The following CHRM3 variants were observed in gnomAD, a reference collection of about 807,000 sequenced individuals.
CHRM3 encodes the protein muscarinic acetylcholine receptor M3.
In CHRM3, 11 loss-of-function variants were observed where a neutral mutation model predicts 41.8. The observed-to-expected ratio is 0.26, with a 90% CI of 0.17 to 0.44. The LOEUF (loss-of-function observed/expected upper bound fraction) is 0.44, where lower values mean the gene tolerates loss of function less well. Among genes scored for constraint, CHRM3 ranks in the 20% least tolerant of loss-of-function variants. CHRM3 has a pLI of 1.00. For missense variants in CHRM3, 571 were observed against 745.4 expected, an observed-to-expected ratio of 0.77 and a Z score of 2.72; for synonymous variants, 297 against 301.4, an observed-to-expected ratio of 0.99 and a Z score of 0.15.
intron 3 of CHRM3, among the ~76,000 whole-genome samples, chr1:239,615,487 T>C (rs1402494016): frequency 3.3e-5 from 5 of 152,182 alleles, no homozygotes; most frequent in Non-Finnish European, 5.9e-5. Flanking sequence ...GCTTCTGTTT[T>C]AGGAAGACCA....
intron 5 of CHRM3, among the ~76,000 whole-genome samples, chr1:239,712,635 C>A (rs990957327): frequency 6.6e-6 from 1 of 152,186 alleles, no homozygotes; most frequent in African/African-American, 2.4e-5. Context: ...CGAATACTTG[C>A]ATTGCAATCT....
At chr1:239,576,754 C>T (rs558174249) in intron 3 of CHRM3, among the ~76,000 whole-genome samples, 10 of 150,992 alleles carry the variant, frequency 6.6e-5, no homozygotes, top group South Asian at 6.3e-4. Flanking sequence ...TGTGCCACTG[C>T]GCTGCAGGCT....
chr1:239,620,250 T>C (rs1668208973), intron 3 of CHRM3, among the ~76,000 whole-genome samples: 1 of 152,226 alleles, frequency 6.6e-6, no homozygotes. Context: ...ATAGTTACTG[T>C]TGTTTTCTCA....
intron 6 of CHRM3, among the ~76,000 whole-genome samples, chr1:239,873,270 A>G (rs561342588): frequency 6.6e-6 from 1 of 152,174 alleles, no homozygotes; most frequent in South Asian, 2.1e-4. Context: ...CCTCAGCTAC[A>G]AAGTGGGAAT....
At chr1:239,686,538 C>T (rs997554380) in intron 5 of CHRM3, among the ~76,000 whole-genome samples, 2 of 152,142 alleles carry the variant, frequency 1.3e-5, no homozygotes, top group African/African-American at 4.8e-5. Flanking sequence ...TGTCTTTCCC[C>T]AGAGCCCTTC....
intron 5 of CHRM3, among the ~76,000 whole-genome samples, chr1:239,823,849 G>A (rs1402591996): frequency 6.6e-6 from 1 of 152,026 alleles, no homozygotes; most frequent in Non-Finnish European, 1.5e-5. Context: ...AAACTGGCAA[G>A]CAGATAGAAT....
At chr1:239,476,652 T>TA (rs1250039582) in intron 1 of CHRM3, among the ~76,000 whole-genome samples, 2 of 152,124 alleles carry the variant, frequency 1.3e-5, no homozygotes, top group Non-Finnish European at 2.9e-5. Flanking sequence ...TAATTGTGAA[T>TA]AAAAATTGCT....
chr1:239,615,266 CTATTT>C (rs1487526514), intron 3 of CHRM3, among the ~76,000 whole-genome samples: 1 of 152,170 alleles, frequency 6.6e-6, no homozygotes, highest in East Asian at 1.9e-4. Flanking sequence ...GTGAGCATCT[CTATTT>C]TATAAGAACT....
chr1:239,608,129 A>T (rs946025864), intron 3 of CHRM3, among the ~76,000 whole-genome samples: 8 of 152,210 alleles, frequency 5.3e-5, no homozygotes, highest in African/African-American at 1.7e-4. Context: ...TAAATGTAAA[A>T]AATTGCACTA....
intron 3 of CHRM3, among the ~76,000 whole-genome samples, chr1:239,607,590 C>T (rs1666491336): frequency 6.6e-6 from 1 of 152,102 alleles, no homozygotes; most frequent in Middle Eastern, 3.4e-3. Context: ...CCTTTTCTTT[C>T]TCATGGGAGT....
At chr1:239,432,537 A>G (rs1052804101) in intron 1 of CHRM3, among the ~76,000 whole-genome samples, 12 of 152,128 alleles carry the variant, frequency 7.9e-5, no homozygotes, top group African/African-American at 2.9e-4. Context: ...TGCTTTTGCT[A>G]ATTTGGGCTT....
chr1:239,670,781 C>T (rs61834815), intron 4 of CHRM3, among the ~76,000 whole-genome samples: 2 of 150,480 alleles, frequency 1.3e-5, no homozygotes, highest in Non-Finnish European at 3.0e-5. Context: ...ACCCCCCCCA[C>T]CTCAGTTTCC....
rs371187025 is a variant in CHRM3 at position 239,794,798 on chromosome 1, T to C, written c.-146-32454T>C. The stretch of plus-strand genomic sequence containing the variant: ...TTTATTTTACATTGATATATCTCCA[T>C]CCAACCATTTCTCTGTTCTGTTACT... On this transcript the variant is annotated intron_variant, in intron 5 of 6. Coordinates refer to ENST00000676153, the MANE Select transcript of CHRM3 (RefSeq NM_001375978.1). Among the ~76,000 whole-genome samples, 29 of 152,314 alleles carry C rather than the reference T, an allele frequency of 1.9e-4. No individual in the cohort carries two copies. The South Asian group carries it at 5.2e-3, about 27-fold the overall frequency.
In CHRM3 at chr1:239,694,296, A is replaced by G. The variant is rs116600715; in HGVS notation, c.-147+16008A>G. ...CACAGTATCTTGAGGCATGAAGTCA[A>G]CAATGAATGCAAGATCCTTCTCTGC... On this transcript the variant is annotated intron_variant, in intron 5 of 6. Coordinates refer to ENST00000676153, the MANE Select transcript of CHRM3 (RefSeq NM_001375978.1). 2.2e-3 allele frequency among the ~76,000 whole-genome samples: 333 copies of G among 152,354 alleles called. 3 individuals are homozygous for G. The highest frequency in any genetic ancestry group is 7.4e-3 in the African/African-American group (308 of 41,582).
At chr1:239,874,088 C>T (rs1367634530) in intron 6 of CHRM3, among the ~76,000 whole-genome samples, 1 of 151,652 alleles carries the variant, frequency 6.6e-6, no homozygotes, top group Non-Finnish European at 1.5e-5. Flanking sequence ...GAAACTGAGG[C>T]TCAGGAGGAC....
intron 6 of CHRM3, among the ~76,000 whole-genome samples, chr1:239,843,044 G>T (rs1470249525): frequency 1.3e-5 from 2 of 152,042 alleles, no homozygotes; most frequent in East Asian, 3.9e-4. Flanking sequence ...ACTTAATAAG[G>T]ACAAAGCCCC....
chr1:239,411,001 C>A (rs938958883), intron 1 of CHRM3, among the ~76,000 whole-genome samples: 1 of 152,132 alleles, frequency 6.6e-6, no homozygotes, highest in Admixed American at 6.6e-5. Flanking sequence ...ATGGTTGAGA[C>A]AAAGCACTGC....
chr1:239,890,643 A>G (rs1678475124), intron 6 of CHRM3, among the ~76,000 whole-genome samples: 1 of 152,206 alleles, frequency 6.6e-6, no homozygotes, highest in Non-Finnish European at 1.5e-5. Context: ...ACTTTGGGTC[A>G]TATTGTGCAT....
intron 1 of CHRM3, among the ~76,000 whole-genome samples, chr1:239,392,587 G>A (rs1659131292): frequency 6.6e-6 from 1 of 152,174 alleles, no homozygotes; most frequent in Non-Finnish European, 1.5e-5. Context: ...TTAAACCAAG[G>A]TGAAATACTT....
Sources: gnomAD v4.1 joint callset for allele counts (sites outside exome capture counted in the v4.1 genomes callset) on GRCh38, gnomAD v4.1.1 for gene constraint, MANE v1.5 for transcripts, NCBI Gene and HGNC (gene_info 2026-07-23, HGNC 2026-07-21) for gene names.